The following CLPX variants were observed in gnomAD, a reference collection of about 807,000 sequenced individuals.
CLPX encodes the protein ATP-dependent clpX-like chaperone, mitochondrial.
Under a neutral mutation model 76.4 loss-of-function variants are expected in CLPX, and 34 were observed. The observed-to-expected ratio is 0.45, with a 90% CI of 0.34 to 0.59. The LOEUF (loss-of-function observed/expected upper bound fraction) is 0.59. CLPX is among the 20% of genes least tolerant of loss of function. CLPX has a pLI of 0.01. For missense variants in CLPX, 613 were observed against 757.0 expected, an observed-to-expected ratio of 0.81 and a Z score of 2.23; for synonymous variants, 248 against 270.9, an observed-to-expected ratio of 0.92 and a Z score of 0.83.
intron 3 of CLPX, among the ~76,000 whole-genome samples, chr15:65,176,580 TTTTTC>T (rs1440100116): frequency 6.6e-6 from 1 of 151,942 alleles, no homozygotes; most frequent in Admixed American, 6.6e-5. Context: ...AAATTATTCT[TTTTTC>T]TTTTTTTTCT....
intron 7 of CLPX, 119 bp downstream of exon 7, chr15:65,158,456 A>G: frequency 1.3e-6 from 1 of 792,118 alleles, no homozygotes; most frequent in East Asian, 2.6e-5. Flanking sequence ...TATCTAGATG[A>G]CTGGCCTTAG....
chr15:65,183,847 G>C (rs1351140380), intron 1 of CLPX, among the ~76,000 whole-genome samples: 3 of 152,186 alleles, frequency 2.0e-5, no homozygotes, highest in Non-Finnish European at 2.9e-5. Flanking sequence ...AAGAAGGCCT[G>C]ACACACAGTG....
intron 3 of CLPX, among the ~76,000 whole-genome samples, chr15:65,167,796 G>C (rs542488186): frequency 6.6e-6 from 1 of 151,890 alleles, no homozygotes; most frequent in South Asian, 2.1e-4. Context: ...GCTGAGGCAG[G>C]AGAATCGCTT....
chr15:65,172,554 T>C (rs2088024693), intron 3 of CLPX, among the ~76,000 whole-genome samples: 1 of 151,864 alleles, frequency 6.6e-6, no homozygotes, highest in Non-Finnish European at 1.5e-5. Context: ...ACTGCTTGAA[T>C]CCGAGAGGTG....
chr15:65,181,731 G>A (rs1254976136), intron 1 of CLPX, among the ~76,000 whole-genome samples: 1 of 149,338 alleles, frequency 6.7e-6, no homozygotes. Flanking sequence ...CCTGTGCAAC[G>A]GAGCGAGGCT....
chr15:65,152,383 G>A (rs2087732703), intron 13 of CLPX, 47 bp downstream of exon 13: 1 of 779,508 alleles, frequency 1.3e-6, no homozygotes, highest in Non-Finnish European at 2.0e-6. Context: ...GCAATGAGGA[G>A]CTCATCTTAA....
chr15:65,170,915 T>C (rs1055452598), intron 3 of CLPX, among the ~76,000 whole-genome samples: 3 of 141,988 alleles, frequency 2.1e-5, no homozygotes, highest in Non-Finnish European at 4.5e-5. Context: ...CTCCGCCTCC[T>C]GGGTCCAAGC....
chr15:65,156,755 A>C (rs940102672), intron 9 of CLPX, 89 bp downstream of exon 9: 1 of 788,976 alleles, frequency 1.3e-6, no homozygotes, highest in Non-Finnish European at 2.2e-6. Context: ...ACAGAATCTA[A>C]TTGAATGTGA....
rs1003064151 is a variant in CLPX at position 65,150,733 on chromosome 15, T to A, written c.*90A>T. On this transcript the variant is annotated 3_prime_UTR_variant, in exon 14 of 14. Transcript: ENST00000300107. ...GACCATGTATGATATCCAAGATAGATCCAATGCCTTTAATATCAGACTGTA... is the reference window on the plus strand; with the variant it reads ...GACCATGTATGATATCCAAGATAGAACCAATGCCTTTAATATCAGACTGTA... 5 of 813,440 alleles carry A rather than the reference T, an allele frequency of 6.1e-6. No homozygotes were observed. The highest frequency in any genetic ancestry group is 1.0e-5 in the Non-Finnish European group (5 of 501,904). 50.4% of individuals were successfully genotyped at this position (813,440 alleles called of 1,614,324 possible).
At chr15:65,171,731 C>T (rs1420196930) in intron 3 of CLPX, among the ~76,000 whole-genome samples, 2 of 152,146 alleles carry the variant, frequency 1.3e-5, no homozygotes, top group Non-Finnish European at 2.9e-5. Context: ...CTAGTTCAGG[C>T]AGTGTGACAG....
rs950542515 is a variant in CLPX at position 65,154,247 on chromosome 15, A to G, written c.1611+535T>C. On this transcript the variant is annotated intron_variant, in intron 11 of 13. Transcript: ENST00000300107. ...AGACAGGCAGACCAATTAAGAACTA[A>G]ATGCATGGGTCAAGGTGAATAATAT... Among the ~76,000 whole-genome samples, 4 of 152,186 alleles carry G rather than the reference A, an allele frequency of 2.6e-5. No individual in the cohort carries two copies. The South Asian group carries it at 8.3e-4, about 31-fold the overall frequency.
intron 6 of CLPX, among the ~76,000 whole-genome samples, chr15:65,160,181 T>G (rs757244807): frequency 3.9e-4 from 60 of 152,234 alleles, no homozygotes; most frequent in Non-Finnish European, 7.3e-4. Context: ...ATTAAACTGA[T>G]AGAATAATAG....
Position 65,148,675 on chromosome 15 carries a change from A to G in CLPX, c.*2148T>C, listed in dbSNP as rs1430792095. On this transcript the variant is annotated 3_prime_UTR_variant, in exon 14 of 14. Transcript: ENST00000300107. ...CATCAACAAGATTTAGAATTTCCTA[A>G]TAGCTTTAGTTTTTCCCTAAAAAAA... 1 of 152,080 alleles carries G rather than the reference A, an allele frequency of 6.6e-6. No homozygotes were observed. The highest frequency in any genetic ancestry group is 1.5e-5 in the Non-Finnish European group (1 of 68,002). 9.4% of individuals were successfully genotyped at this position (152,080 alleles called of 1,614,324 possible).
intron 12 of CLPX, 105 bp downstream of exon 12, chr15:65,153,442 T>C (rs2087749396): frequency 1.4e-6 from 1 of 738,678 alleles, no homozygotes; most frequent in Non-Finnish European, 2.3e-6. Context: ...TGAGACTCTG[T>C]CTCAAAATAT....
chr15:65,151,294 G>A (rs2946668), intron 13 of CLPX, among the ~76,000 whole-genome samples: 1,526 of 133,030 alleles, frequency 0.011, 25 homozygotes, highest in African/African-American at 0.042. Context: ...GCAGTAAGCC[G>A]AAATCATACC....
At chr15:65,155,354 A>T (rs1187866717) in intron 10 of CLPX, among the ~76,000 whole-genome samples, 1 of 152,090 alleles carries the variant, frequency 6.6e-6, no homozygotes, top group Non-Finnish European at 1.5e-5. Context: ...GGTTCAAGGG[A>T]TTCTCCTGCC....
At chr15:65,179,082 G>GT (rs1566986971) in intron 2 of CLPX, 31 bp from the exon 3 acceptor site, 1 of 1,388,262 alleles carries the variant, frequency 7.2e-7, no homozygotes, top group African/African-American at 1.4e-5. Context: ...AAAAGGAAGA[G>GT]TGTCAATTAT....
chr15:65,162,253 C>A (rs1382597782), intron 6 of CLPX, among the ~76,000 whole-genome samples: 1 of 152,008 alleles, frequency 6.6e-6, no homozygotes, highest in African/African-American at 2.4e-5. Flanking sequence ...CTGTAAGTTT[C>A]ATAAATACAA....
chr15:65,184,606 C>T (rs2088228790), intron 1 of CLPX: 1 of 162,494 alleles, frequency 6.2e-6, no homozygotes, highest in Non-Finnish European at 1.3e-5. Flanking sequence ...TGCCCCGAGT[C>T]CTGGGGGACC....
Sources: allele counts gnomAD v4.1 joint callset (sites outside exome capture counted in the v4.1 genomes callset), GRCh38; gene constraint gnomAD v4.1.1; transcripts MANE v1.5; gene names NCBI Gene and HGNC (gene_info 2026-07-23, HGNC 2026-07-21).